GRIP1: variants seen among roughly 807,000 people sequenced by gnomAD.
GRIP1 encodes glutamate receptor-interacting protein 1.
Under a neutral mutation model 129.9 loss-of-function variants are expected in GRIP1, and 45 were observed. The ratio of observed to expected loss-of-function variants is 0.35; its 90% CI spans 0.27 to 0.44. The LOEUF is 0.44. Among genes scored for constraint, GRIP1 ranks in the 20% least tolerant of loss-of-function variants. The pLI is 1.00. For missense variants in GRIP1, 1,196 were observed against 1,396.8 expected (o/e 0.86, Z 2.29); for synonymous variants, 530 against 520.8 (o/e 1.02, Z -0.24).
At chr12:66,986,057 A>G (rs1473757833) in intron 1 of GRIP1, among the ~76,000 whole-genome samples, 1 of 152,204 alleles carries the variant, frequency 6.6e-6, no homozygotes, top group Non-Finnish European at 1.5e-5. Flanking sequence ...CCTAAATCTA[A>G]TACATTACTT....
At chr12:66,418,541 C>T (rs1592817605) in intron 15 of GRIP1, among the ~76,000 whole-genome samples, 1 of 152,272 alleles carries the variant, frequency 6.6e-6, no homozygotes, top group East Asian at 1.9e-4. Flanking sequence ...AACTATCCAT[C>T]TGACAAGGGA....
intron 1 of GRIP1, among the ~76,000 whole-genome samples, chr12:67,029,951 G>A (rs926534984): frequency 1.3e-5 from 2 of 151,450 alleles, no homozygotes; most frequent in Non-Finnish European, 2.9e-5. Context: ...TGTAATCCCA[G>A]CACTTTGGGA....
At chr12:66,350,549 T>C (rs1237714777) in intron 24 of GRIP1, among the ~76,000 whole-genome samples, 1 of 152,174 alleles carries the variant, frequency 6.6e-6, no homozygotes, top group Admixed American at 6.5e-5. Flanking sequence ...AATCCATCCT[T>C]GGTTCTGTTC....
At chr12:66,487,323 T>G (rs976056039) in intron 7 of GRIP1, among the ~76,000 whole-genome samples, 9 of 152,226 alleles carry the variant, frequency 5.9e-5, no homozygotes, top group Non-Finnish European at 1.3e-4. Context: ...GGGGCCAATA[T>G]TTAACATTCT....
Position 66,353,596 on chromosome 12 carries a change from CT to C in GRIP1, c.3013-34del, listed in dbSNP as rs565839990. On this transcript the variant is annotated intron_variant, in intron 23 of 24. Coordinates refer to ENST00000359742, the MANE Select transcript of GRIP1 (RefSeq NM_001366722.1). ...GAGAAAATGGGATGTGAATATTTAG[CT>C]GGGGTGGAGACTTTTCCTTCTGCAA... is the stretch of plus-strand genomic sequence containing the variant. 5.7e-5 allele frequency: 92 copies of C among 1,606,560 alleles called. 1 individual carries two copies. The highest frequency in any genetic ancestry group is 7.5e-5 in the Non-Finnish European group (88 of 1,173,242).
chr12:66,778,226 T>A (rs760621279), intron 1 of GRIP1, among the ~76,000 whole-genome samples: 1 of 152,178 alleles, frequency 6.6e-6, no homozygotes, highest in Non-Finnish European at 1.5e-5. Flanking sequence ...ATTTGTATTA[T>A]ATTTCTATTG....
At chr12:66,531,755 T>C (rs2061469377) in intron 4 of GRIP1, among the ~76,000 whole-genome samples, 1 of 152,144 alleles carries the variant, frequency 6.6e-6, no homozygotes, top group South Asian at 2.1e-4. Context: ...CTTATTTCCA[T>C]GGCCCAACAA....
chr12:66,669,605 A>T (rs530236758), intron 1 of GRIP1, among the ~76,000 whole-genome samples: 1 of 152,332 alleles, frequency 6.6e-6, no homozygotes, highest in African/African-American at 2.4e-5. Flanking sequence ...CCATCTATAC[A>T]GGTTTATGAA....
intron 1 of GRIP1, among the ~76,000 whole-genome samples, chr12:67,003,018 C>T (rs1252757250): frequency 2.0e-5 from 3 of 152,034 alleles, no homozygotes; most frequent in Non-Finnish European, 2.9e-5. Flanking sequence ...CCTCTACACA[C>T]GATATATTAC....
At chr12:66,673,199 T>C (rs938698443) in intron 1 of GRIP1, among the ~76,000 whole-genome samples, 22 of 152,346 alleles carry the variant, frequency 1.4e-4, no homozygotes, top group Middle Eastern at 3.4e-3. Flanking sequence ...GAACCTCTTC[T>C]TTTTCATCTG....
At chr12:66,842,479 GTGT>G (rs1274007048) in intron 1 of GRIP1, among the ~76,000 whole-genome samples, 2 of 152,100 alleles carry the variant, frequency 1.3e-5, no homozygotes, top group Non-Finnish European at 2.9e-5. Flanking sequence ...TTTCCTTTGG[GTGT>G]TGTTATGAGT....
Position 66,406,444 on chromosome 12 carries a change from A to G in GRIP1, c.1839-16T>C, listed in dbSNP as rs1490261225. 4 of 1,612,650 alleles carry G rather than the reference A, an allele frequency of 2.5e-6. No individual in the cohort carries two copies. The highest frequency in any genetic ancestry group is 1.3e-5 in the African/African-American group (1 of 74,896). On this transcript the variant is annotated splice_polypyrimidine_tract_variant and intron_variant, in intron 15 of 24. Coordinates refer to ENST00000359742, the MANE Select transcript of GRIP1 (RefSeq NM_001366722.1). ...GGTCCCAGTTCTGTTAGTGAATGCA[A>G]AGTAACACATGACTAATGATGAGCA...
chr12:67,027,627 T>A (rs1307349363), intron 1 of GRIP1, among the ~76,000 whole-genome samples: 2 of 152,184 alleles, frequency 1.3e-5, no homozygotes, highest in Non-Finnish European at 2.9e-5. Flanking sequence ...AAAGCATAGA[T>A]CTTTGATGAT....
At chr12:66,602,716 C>T (rs7137010) in intron 1 of GRIP1, among the ~76,000 whole-genome samples, 34,121 of 151,892 alleles carry the variant, frequency 0.22, 4,238 homozygotes, top group African/African-American at 0.33. Context: ...CTTCTACCTT[C>T]CCTCCTCCCT....
At chr12:66,510,145 T>C (rs2060654985) in intron 7 of GRIP1, among the ~76,000 whole-genome samples, 1 of 152,180 alleles carries the variant, frequency 6.6e-6, no homozygotes, top group Non-Finnish European at 1.5e-5. Context: ...GCACCACATA[T>C]GCATTAACCC....
intron 1 of GRIP1, among the ~76,000 whole-genome samples, chr12:67,003,300 TTA>T (rs1565634000): frequency 6.6e-6 from 1 of 152,240 alleles, no homozygotes; most frequent in Non-Finnish European, 1.5e-5. Flanking sequence ...ACTTAGACTA[TTA>T]TGTTTTTTCA....
At chr12:66,381,218 CA>C (rs1480532233) in intron 19 of GRIP1, among the ~76,000 whole-genome samples, 1 of 152,178 alleles carries the variant, frequency 6.6e-6, no homozygotes, top group African/African-American at 2.4e-5. Flanking sequence ...GACCTTGGAG[CA>C]GAGGAAATAT....
In GRIP1 at chr12:66,831,061, G is replaced by A. The variant is rs547275479; in HGVS notation, c.59-234134C>T. ...GCGGTCTCACTGTTTTCTATGTCAC[G>A]CAGGCTGGTCTCGAACTCTTGGGCT... On this transcript the variant is annotated intron_variant, in intron 1 of 1. Coordinates refer to the GRIP1 transcript ENST00000643019. Among the ~76,000 whole-genome samples, 22 of 151,820 alleles carry A rather than the reference G, an allele frequency of 1.4e-4. 1 individual carries two copies. In the East Asian group the frequency reaches 2.7e-3, roughly 19 times the overall value.
intron 2 of GRIP1, among the ~76,000 whole-genome samples, chr12:66,557,028 A>C (rs933267393): frequency 3.9e-5 from 6 of 152,030 alleles, no homozygotes; most frequent in Middle Eastern, 3.4e-3. Flanking sequence ...ATCAAGAGAC[A>C]CAGAGTGGCT....
Sources: gnomAD v4.1 joint callset for allele counts (sites outside exome capture counted in the v4.1 genomes callset) on GRCh38, gnomAD v4.1.1 for gene constraint, MANE v1.5 for transcripts, NCBI Gene and HGNC (gene_info 2026-07-23, HGNC 2026-07-21) for gene names.